The following MMP16 variants were observed in gnomAD, a reference collection of about 807,000 sequenced individuals.
MMP16 encodes matrix metalloproteinase-16.
Under a neutral mutation model 67.8 loss-of-function variants are expected in MMP16, and 12 were observed. That is an observed-to-expected ratio of 0.18 (90% CI 0.11 to 0.29). MMP16 has a LOEUF of 0.29. MMP16 is among the 10% of genes least tolerant of loss of function. The pLI is 1.00. For synonymous variants in MMP16, 249 were observed against 255.9 expected (o/e 0.97, Z 0.26); for missense variants, 475 against 765.7 (o/e 0.62, Z 4.48).
chr8:88,179,871 A>C (rs1164462872), intron 3 of MMP16, among the ~76,000 whole-genome samples: 1 of 152,218 alleles, frequency 6.6e-6, no homozygotes, highest in East Asian at 1.9e-4. Flanking sequence ...TGGTCAACTA[A>C]AACCAGAGAA....
intron 1 of MMP16, among the ~76,000 whole-genome samples, chr8:88,212,841 T>C (rs185046093): frequency 1.8e-4 from 27 of 152,268 alleles, no homozygotes; most frequent in Admixed American, 7.8e-4. Flanking sequence ...TGCATACACA[T>C]ATCTACGTAT....
rs1182566754 is a variant in MMP16, at chr8:88,113,801, C to A, written c.1083+2706G>T. Among the ~76,000 whole-genome samples, 3 of 151,970 alleles carry A rather than the reference C, an allele frequency of 2.0e-5. No individual in the cohort carries two copies. The East Asian group carries it at 5.8e-4, about 29-fold the overall frequency. On this transcript the variant is annotated intron_variant, in intron 6 of 9. Coordinates refer to ENST00000286614, the MANE Select transcript of MMP16 (RefSeq NM_005941.5). ...ACCTTGAAGACTAGAATGTAATTTG[C>A]AAGAAACCCAAGTGTAGCCTATTTT...
intron 7 of MMP16, among the ~76,000 whole-genome samples, chr8:88,068,787 T>C (rs969021128): frequency 6.6e-6 from 1 of 152,128 alleles, no homozygotes; most frequent in African/African-American, 2.4e-5. Context: ...CTGCAACCTC[T>C]GCCTCCCGGG....
intron 1 of MMP16, among the ~76,000 whole-genome samples, chr8:88,294,438 G>T (rs557307375): frequency 2.9e-4 from 43 of 147,584 alleles, no homozygotes; most frequent in African/African-American, 1.1e-3. Flanking sequence ...ATATGTATAT[G>T]TCTATATACA....
chr8:88,225,830 T>G (rs1809760281), intron 1 of MMP16, among the ~76,000 whole-genome samples: 1 of 151,992 alleles, frequency 6.6e-6, no homozygotes, highest in Admixed American at 6.6e-5. Context: ...GAATCACAAG[T>G]GTTTTGTCTA....
At chr8:88,283,422 C>T (rs546529201) in intron 1 of MMP16, among the ~76,000 whole-genome samples, 1 of 152,100 alleles carries the variant, frequency 6.6e-6, no homozygotes, top group South Asian at 2.1e-4. Context: ...TTTCAGTTTC[C>T]TTATATAGAG....
chr8:88,144,181 G>T lies in MMP16; in HGVS notation c.709+23488C>A, dbSNP rs574510714. On this transcript the variant is annotated intron_variant, in intron 4 of 9. Coordinates refer to ENST00000286614, the MANE Select transcript of MMP16 (RefSeq NM_005941.5). ...AATATGCATACAAATGCATTTTCTT[G>T]TTAGTATTTCCTTCGTCACTGTCCC... is the stretch of plus-strand genomic sequence containing the variant. Among the ~76,000 whole-genome samples the T allele has an allele frequency of 7.2e-5, 11 of 151,940 alleles. No homozygotes were observed. In the East Asian group the frequency reaches 2.1e-3, roughly 29 times the overall value.
At chr8:88,241,805 T>G (rs1372256847) in intron 1 of MMP16, among the ~76,000 whole-genome samples, 1 of 152,086 alleles carries the variant, frequency 6.6e-6, no homozygotes, top group Non-Finnish European at 1.5e-5. Context: ...GTAATTAGTG[T>G]ATTCATTACT....
chr8:88,148,709 C>G lies in MMP16; in HGVS notation c.709+18960G>C, dbSNP rs1808338496. ...GTCAAAATATTCAATAAAAATTGTA[C>G]ATTATTGCTTATCTATTTCTTTAGT... On this transcript the variant is annotated intron_variant, in intron 4 of 9. Transcript: ENST00000286614. Among the ~76,000 whole-genome samples, 7 of 148,830 alleles carry G rather than the reference C, an allele frequency of 4.7e-5. No individual in the cohort carries two copies. The South Asian group carries it at 1.5e-3, about 32-fold the overall frequency.
intron 3 of MMP16, among the ~76,000 whole-genome samples, chr8:88,176,670 TA>T (rs1488894454): frequency 6.6e-6 from 1 of 152,218 alleles, no homozygotes; most frequent in Admixed American, 6.5e-5. Context: ...GTAGATGAGA[TA>T]GTGAATCCTT....
In MMP16 at chr8:88,197,287, C is replaced by G; in HGVS notation, c.152G>C (p.Gly51Ala). 1 of 1,570,746 alleles carries G rather than the reference C, an allele frequency of 6.4e-7. No homozygotes were observed. Among genetic ancestry groups the G allele is most frequent in the South Asian group, 1.2e-5 (1 of 84,026 alleles). Residue 51 changes from glycine (G) to alanine (A), a missense_variant, in exon 2 of 10, where the codon GGC becomes GCC. By Grantham distance (60) the Gly-to-Ala change is moderately conservative. Transcript: ENST00000286614. ...FNVEVWLQKYGYLPPTDPRMS... is the reference protein window; with the variant it reads ...FNVEVWLQKYAYLPPTDPRMS... ...TCTGGGGTCAGTCGGTGGAAGGTAG[C>G]CGTACTTTTGTAACCAAACCTGCAA...
At chr8:88,186,377 T>C (rs2129753688) in intron 3 of MMP16, 99 bp downstream of exon 3, 2 of 1,465,992 alleles carry the variant, frequency 1.4e-6, no homozygotes, top group Non-Finnish European at 1.9e-6. Context: ...TCCCTATATA[T>C]TAACATGTAG....
At chr8:88,111,396 G>A (rs1409814256) in intron 6 of MMP16, among the ~76,000 whole-genome samples, 2 of 151,730 alleles carry the variant, frequency 1.3e-5, no homozygotes, top group Non-Finnish European at 2.9e-5. Context: ...TACTGCAGTA[G>A]AAATCTGGAA....
intron 1 of MMP16, among the ~76,000 whole-genome samples, chr8:88,243,714 T>C (rs900229608): frequency 1.3e-5 from 2 of 152,196 alleles, no homozygotes; most frequent in African/African-American, 4.8e-5. Flanking sequence ...AATCCTTCAG[T>C]GGAGCTCAGA....
At chr8:88,096,758 C>T (rs1335450771) in intron 6 of MMP16, among the ~76,000 whole-genome samples, 1 of 151,878 alleles carries the variant, frequency 6.6e-6, no homozygotes, top group Non-Finnish European at 1.5e-5. Flanking sequence ...ACACCCTCTT[C>T]TGGCAAATAT....
chr8:88,158,386 T>C (rs1372935548), intron 4 of MMP16, among the ~76,000 whole-genome samples: 2 of 152,220 alleles, frequency 1.3e-5, no homozygotes, highest in African/African-American at 2.4e-5. Flanking sequence ...AGATGGTATC[T>C]CGTGGTTTTG....
At chr8:88,271,596 C>A (rs560804826) in intron 1 of MMP16, among the ~76,000 whole-genome samples, 1 of 152,082 alleles carries the variant, frequency 6.6e-6, no homozygotes, top group African/African-American at 2.4e-5. Flanking sequence ...CGGGTTCAAG[C>A]GATTCTCCTG....
At chr8:88,130,400 C>T (rs1808008417) in intron 4 of MMP16, among the ~76,000 whole-genome samples, 1 of 151,626 alleles carries the variant, frequency 6.6e-6, no homozygotes, top group African/African-American at 2.4e-5. Flanking sequence ...TCTTCCTTAT[C>T]TGCTTTCTTT....
chr8:88,276,428 A>C (rs1810650127), intron 1 of MMP16, among the ~76,000 whole-genome samples: 1 of 152,110 alleles, frequency 6.6e-6, no homozygotes, highest in Non-Finnish European at 1.5e-5. Context: ...CTTAAATAAG[A>C]TATGAAAGTA....
Sources: allele counts gnomAD v4.1 joint callset (sites outside exome capture counted in the v4.1 genomes callset), GRCh38; gene constraint gnomAD v4.1.1; transcripts MANE v1.5; gene names NCBI Gene and HGNC (gene_info 2026-07-23, HGNC 2026-07-21).